Variants in SEZ6L observed in about 807,000 individuals in gnomAD.
SEZ6L encodes seizure related 6 homolog like.
Under a neutral mutation model 106.2 loss-of-function variants are expected in SEZ6L, and 37 were observed. The ratio of observed to expected loss-of-function variants is 0.35; its 90% CI spans 0.27 to 0.46. The LOEUF is 0.46. SEZ6L is among the 20% of genes least tolerant of loss of function. SEZ6L has a pLI of 1.00. For missense variants in SEZ6L, 1,172 were observed against 1,332.8 expected (o/e 0.88, Z 1.88); for synonymous variants, 541 against 570.4 (o/e 0.95, Z 0.73).
chr22:26,287,408 G>T (rs916566161), intron 1 of SEZ6L, among the ~76,000 whole-genome samples: 24 of 152,076 alleles, frequency 1.6e-4, no homozygotes, highest in Admixed American at 1.3e-4. Context: ...TTGATTGATT[G>T]ACCGCTTTTG....
intron 1 of SEZ6L, among the ~76,000 whole-genome samples, chr22:26,219,999 C>T (rs769879598): frequency 6.6e-6 from 1 of 152,158 alleles, no homozygotes; most frequent in Non-Finnish European, 1.5e-5. Context: ...CAACAGCACA[C>T]CAGGTAGGTG....
In SEZ6L at chr22:26,373,352, G is replaced by A. The variant is rs2084105549; in HGVS notation, c.2795-99G>A. On this transcript the variant is annotated intron_variant, in intron 13 of 16. Transcript: ENST00000248933. ...AAAACATACCACTAACTTCACCAAA[G>A]CATGGCATGGGCTTTTGCATCAAAT... The A allele has an allele frequency of 1.3e-5, 13 of 1,007,344 alleles. No individual in the cohort carries two copies. In the South Asian group the frequency reaches 1.9e-4, roughly 14 times the overall value. The allele number at this position is 1,007,344 out of a possible 1,614,324, so 62.4% of individuals were successfully genotyped here.
chr22:26,291,534 C>T (rs765644729), intron 1 of SEZ6L, among the ~76,000 whole-genome samples: 1 of 152,114 alleles, frequency 6.6e-6, no homozygotes, highest in Non-Finnish European at 1.5e-5. Context: ...CAGCAAACCA[C>T]CATGGCACAT....
intron 1 of SEZ6L, among the ~76,000 whole-genome samples, chr22:26,216,321 T>C (rs557097348): frequency 6.6e-6 from 1 of 152,298 alleles, no homozygotes; most frequent in East Asian, 1.9e-4. Flanking sequence ...ACAGCTGACC[T>C]GTCCCCAAGT....
chr22:26,294,396 G>A lies in SEZ6L; in HGVS notation c.940G>A (p.Val314Ile). The change falls in exon 3 of 17, where the codon GTC becomes ATC. Residue 314 changes from valine to isoleucine, a missense_variant. This residue lies in a region of SEZ6L where 494 missense variants were observed against 445.8 expected (regional missense o/e 1.11). Transcript: ENST00000248933. ...NFLECTYNVT[V>I]YTGYGVELQV... The stretch of plus-strand genomic sequence containing the variant: ...TCTGGAGTGCACATACAACGTGACA[G>A]TCTACACTGGCTATGGGGTGGAGCT... 1 of 1,614,054 alleles carries A rather than the reference G, an allele frequency of 6.2e-7. No individual in the cohort carries two copies. Among genetic ancestry groups the A allele is most frequent in the Non-Finnish European group, 8.5e-7 (1 of 1,179,998 alleles).
At chr22:26,271,693 G>A (rs960522343) in intron 1 of SEZ6L, among the ~76,000 whole-genome samples, 4 of 152,068 alleles carry the variant, frequency 2.6e-5, no homozygotes, top group African/African-American at 4.8e-5. Context: ...ATCTTCTGCC[G>A]TGATTAAAAG....
chr22:26,345,521 G>T (rs2082978872), intron 10 of SEZ6L, among the ~76,000 whole-genome samples: 1 of 152,178 alleles, frequency 6.6e-6, no homozygotes, highest in Non-Finnish European at 1.5e-5. Flanking sequence ...AGCATCTGCA[G>T]CTGTGTCCCA....
intron 5 of SEZ6L, 49 bp downstream of exon 5, chr22:26,299,218 G>T: frequency 7.6e-7 from 1 of 1,311,852 alleles, no homozygotes; most frequent in Non-Finnish European, 9.8e-7. Context: ...AACTAAGAGG[G>T]GAAAGACCAA....
rs139849003 is a variant in SEZ6L at position 26,321,722 on chromosome 22, G to A, written c.2015+7820G>A. Among the ~76,000 whole-genome samples, 370 of 152,230 alleles carry A rather than the reference G, an allele frequency of 2.4e-3. 9 individuals carry two copies. The East Asian group carries it at 0.058, about 24-fold the overall frequency. On this transcript the variant is annotated intron_variant, in intron 9 of 16. Transcript: ENST00000248933. ...GATAGTAAAAATAATTCCATCCTCC[G>A]GGCCCCTCAGCCCTCCTAAGTGTTT...
At position 26,294,292 on chromosome 22, in the gene SEZ6L, C is replaced by T. The variant is rs945397245; in HGVS notation, c.836C>T (p.Ala279Val). 4.3e-6 allele frequency: 7 copies of T among 1,613,908 alleles called. No individual in the cohort carries two copies. Among genetic ancestry groups the T allele is most frequent in the East Asian group, 2.2e-5 (1 of 44,894 alleles). ...TCCTAATTAAAGTCCTTCCTTCCAG[C>T]TCTCTGCAGTGTGAGCTTCTCCAAT... is the stretch of plus-strand genomic sequence containing the variant. ...TTVITTEQAP[A>V]LCSVSFSNPE... The change falls in exon 3 of 17, where the codon GCT becomes GTT. Residue 279 changes from alanine to valine, a missense_variant and splice_region_variant. Around this residue, in one of 4 missense-constraint regions of SEZ6L, gnomAD observed 494 missense variants for 445.8 expected, o/e 1.11. Transcript: ENST00000248933.
intron 1 of SEZ6L, among the ~76,000 whole-genome samples, chr22:26,220,327 T>C (rs987087476): frequency 6.6e-6 from 1 of 152,174 alleles, no homozygotes; most frequent in Non-Finnish European, 1.5e-5. Context: ...AAGCTGACAT[T>C]TGCATAGAAT....
At chr22:26,373,339 T>C (rs751752287) in intron 13 of SEZ6L, 112 bp from the exon 14 acceptor site, 5 of 873,666 alleles carry the variant, frequency 5.7e-6, no homozygotes, top group Non-Finnish European at 9.2e-6. Context: ...AACATACCAC[T>C]AACTTCACCA....
At chr22:26,294,875 T>TTC (rs553670771) in intron 3 of SEZ6L, among the ~76,000 whole-genome samples, 110 of 132,346 alleles carry the variant, frequency 8.3e-4, no homozygotes, top group South Asian at 3.5e-3. Context: ...CTCTTTCTCT[T>TTC]TCTTTCTTTC....
At chr22:26,287,495 T>G (rs2080975452) in intron 1 of SEZ6L, among the ~76,000 whole-genome samples, 1 of 152,052 alleles carries the variant, frequency 6.6e-6, no homozygotes, top group Non-Finnish European at 1.5e-5. Context: ...TTAAATGTTC[T>G]GAAAAAAAAT....
chr22:26,251,671 C>T (rs1353802810), intron 1 of SEZ6L, among the ~76,000 whole-genome samples: 1 of 152,210 alleles, frequency 6.6e-6, no homozygotes, highest in African/African-American at 2.4e-5. Context: ...AGCAAAGTGC[C>T]TGCACAGAAT....
At chr22:26,327,249 C>T (rs1380021136) in intron 9 of SEZ6L, among the ~76,000 whole-genome samples, 2 of 145,412 alleles carry the variant, frequency 1.4e-5, no homozygotes, top group African/African-American at 2.5e-5. Flanking sequence ...GCTATACACA[C>T]CACACACCCT....
intron 1 of SEZ6L, among the ~76,000 whole-genome samples, chr22:26,249,634 A>G (rs1002535737): frequency 2.6e-5 from 4 of 152,164 alleles, no homozygotes; most frequent in South Asian, 2.1e-4. Context: ...TGCTGCAATA[A>G]ACATGGGAGT....
chr22:26,371,875 T>C (rs1268724719), intron 13 of SEZ6L, among the ~76,000 whole-genome samples: 1 of 152,140 alleles, frequency 6.6e-6, no homozygotes, highest in Admixed American at 6.5e-5. Context: ...ACTCCTGAGA[T>C]CCGTCCCACC....
At chr22:26,290,805 C>A (rs941544875) in intron 1 of SEZ6L, among the ~76,000 whole-genome samples, 4 of 152,248 alleles carry the variant, frequency 2.6e-5, no homozygotes, top group African/African-American at 9.6e-5. Context: ...CCTTGCAATT[C>A]TTTTGTGCCC....
Sources: allele counts gnomAD v4.1 joint callset (sites outside exome capture counted in the v4.1 genomes callset), GRCh38; gene constraint gnomAD v4.1.1; regional missense constraint gnomAD v4.1.1; transcripts MANE v1.5; gene names NCBI Gene and HGNC (gene_info 2026-07-23, HGNC 2026-07-21).